FAM98A: variants seen among roughly 807,000 people sequenced by gnomAD.
The protein encoded by FAM98A is protein FAM98A.
Under a neutral mutation model 62.9 loss-of-function variants are expected in FAM98A, and 25 were observed. The observed-to-expected ratio is 0.40, with a 90% CI of 0.29 to 0.56. The LOEUF is 0.56. Among genes scored for constraint, FAM98A ranks in the 20% least tolerant of loss-of-function variants. The pLI, the probability that FAM98A is intolerant of heterozygous loss-of-function variation, is 0.51. For synonymous variants in FAM98A, 252 were observed against 228.6 expected, an observed-to-expected ratio of 1.10 and a Z score of -0.92; for missense variants, 653 against 640.7, an observed-to-expected ratio of 1.02 and a Z score of -0.21.
chr2:33,585,373 T>C lies in FAM98A; in HGVS notation c.960A>G (p.Pro320=), dbSNP rs1197635198. ...GGCCATCTTGCCTCTTCTGCCACGG[T>C]GGCATCTCTGGGGGTGGAGGTTCGA... ...NEIEPPPPEM[P]PWQKRQDGPQ... is the part of the protein sequence containing the mutation. The change falls in exon 8 of 8, where the codon CCA becomes CCG. Residue 320 remains proline, a synonymous_variant. Transcript: ENST00000238823. 3 of 1,614,048 alleles carry C rather than the reference T, an allele frequency of 1.9e-6. No homozygotes were observed. Among genetic ancestry groups the C allele is most frequent in the Non-Finnish European group, 2.5e-6 (3 of 1,180,032 alleles).
intron 4 of FAM98A, among the ~76,000 whole-genome samples, chr2:33,587,856 T>C (rs1251519820): frequency 6.6e-6 from 1 of 151,388 alleles, no homozygotes; most frequent in Admixed American, 6.6e-5. Flanking sequence ...TTTCACATAC[T>C]AGATTATGTT....
chr2:33,597,563 C>A (rs1473646468), intron 1 of FAM98A, among the ~76,000 whole-genome samples: 1 of 151,330 alleles, frequency 6.6e-6, no homozygotes, highest in Non-Finnish European at 1.5e-5. Flanking sequence ...GTACAGTACC[C>A]AAAAGAATAA....
intron 6 of FAM98A, among the ~76,000 whole-genome samples, chr2:33,586,080 A>G (rs367781840): frequency 5.9e-5 from 9 of 152,208 alleles, no homozygotes; most frequent in South Asian, 2.1e-4. Context: ...TAATTTTCCT[A>G]TCTTTGGTTT....
chr2:33,595,372 C>T (rs1439977685), intron 2 of FAM98A, 117 bp downstream of exon 2: 5 of 872,254 alleles, frequency 5.7e-6, no homozygotes, highest in African/African-American at 1.8e-5. Flanking sequence ...GGCTTCTTTA[C>T]AAATTTTTTA....
intron 6 of FAM98A, among the ~76,000 whole-genome samples, chr2:33,586,111 G>A (rs767082551): frequency 6.6e-6 from 1 of 151,956 alleles, no homozygotes; most frequent in Non-Finnish European, 1.5e-5. Flanking sequence ...ATAACTATCT[G>A]CTGAATGACC....
Position 33,588,436 on chromosome 2 carries a change from C to A in FAM98A, c.421G>T (p.Glu141Ter). 1 of 1,613,728 alleles carries A rather than the reference C, an allele frequency of 6.2e-7. No individual in the cohort carries two copies. The highest frequency in any genetic ancestry group is 8.5e-7 in the Non-Finnish European group (1 of 1,179,746). ...ATGCCTTTCAACTCTTGAAAGACCTCACTACCGCCTCCTTCTTGAGCTTTT... is the reference window on the plus strand; with the variant it reads ...ATGCCTTTCAACTCTTGAAAGACCTAACTACCGCCTCCTTCTTGAGCTTTT... ...PKKAQEGGGS[E>*]VFQELKGICI... The change falls in exon 4 of 8, where the codon GAG becomes TAG. Residue 141 changes from glutamate (E) to a stop codon, truncating the protein, a stop_gained. Transcript: ENST00000238823. LOFTEE classifies it high-confidence loss of function.
chr2:33,596,537 A>G (rs977774379), intron 1 of FAM98A, among the ~76,000 whole-genome samples: 2 of 152,240 alleles, frequency 1.3e-5, no homozygotes, highest in African/African-American at 4.8e-5. Context: ...ATTGCTTTAC[A>G]TTCTCTTAAA....
intron 1 of FAM98A, among the ~76,000 whole-genome samples, chr2:33,598,781 A>G (rs540750744): frequency 2.0e-5 from 3 of 152,272 alleles, no homozygotes; most frequent in Non-Finnish European, 4.4e-5. Context: ...AATTTGGAGA[A>G]CAAGTAGGAA....
At chr2:33,588,691 G>C (rs1677610922) in intron 3 of FAM98A, 172 bp from the exon 4 acceptor site, 1 of 443,438 alleles carries the variant, frequency 2.3e-6, no homozygotes, top group South Asian at 6.2e-5. Context: ...AAATAAACTG[G>C]TTATGTAATT....
Position 33,584,926 on chromosome 2 carries a change from GCCTCCACGACCACCTCGC to G in FAM98A, c.1389_1406del (p.Gly468_Arg473del), listed in dbSNP as rs769412680. On this transcript the variant is annotated inframe_deletion, in exon 8 of 8. Transcript: ENST00000238823. ...CTCCCTGGCCTGCACGACCACCTCG[GCCTCCACGACCACCTCGC>G]CCACCACGACCACCACCACGATCAC... 1.9e-6 allele frequency: 3 copies of G among 1,607,528 alleles called. No individual in the cohort carries two copies. The South Asian group carries it at 3.3e-5, about 18-fold the overall frequency.
chr2:33,591,097 G>A (rs746743570), intron 3 of FAM98A, among the ~76,000 whole-genome samples: 1 of 151,912 alleles, frequency 6.6e-6, no homozygotes, highest in Non-Finnish European at 1.5e-5. Flanking sequence ...CTAACCTTAC[G>A]TGCACATTCC....
chr2:33,591,679 C>G (rs1247958363), intron 3 of FAM98A, among the ~76,000 whole-genome samples: 1 of 152,236 alleles, frequency 6.6e-6, no homozygotes, highest in African/African-American at 2.4e-5. Context: ...TAAATGCTTA[C>G]TCTCCTCAAA....
intron 5 of FAM98A, 148 bp downstream of exon 5, chr2:33,587,092 G>A: frequency 1.8e-6 from 1 of 555,290 alleles, no homozygotes; most frequent in Non-Finnish European, 3.2e-6. Context: ...CAGAAATCCT[G>A]AGATTCACAA....
chr2:33,595,279 A>G (rs1158400084), intron 2 of FAM98A, among the ~76,000 whole-genome samples: 1 of 152,164 alleles, frequency 6.6e-6, no homozygotes, highest in African/African-American at 2.4e-5. Flanking sequence ...TTCAGCATCC[A>G]CGAATTTTTA....
At position 33,585,464 on chromosome 2, in the gene FAM98A, T is replaced by C. The variant is rs1677525870; in HGVS notation, c.889-20A>G. The C allele has an allele frequency of 6.2e-7, 1 of 1,613,340 alleles. No homozygotes were observed. The highest frequency in any genetic ancestry group is 8.5e-7 in the Non-Finnish European group (1 of 1,179,700). On this transcript the variant is annotated intron_variant, in intron 7 of 7. Transcript: ENST00000238823. ...CAACACCTACAGAATAGGAAAGATA[T>C]TTTAAACTTTTATTTTATGAACAGA...
At chr2:33,592,357 CT>C in intron 2 of FAM98A, 143 bp from the exon 3 acceptor site, 2 of 668,578 alleles carry the variant, frequency 3.0e-6, no homozygotes, top group Non-Finnish European at 4.9e-6. Flanking sequence ...TCTTACACCA[CT>C]GCAAAGTTTC....
chr2:33,595,707 C>A, intron 1 of FAM98A, 70 bp from the exon 2 acceptor site: 1 of 1,094,198 alleles, frequency 9.1e-7, no homozygotes, highest in Non-Finnish European at 1.3e-6. Flanking sequence ...TAAAACATAT[C>A]TATGTCTTAT....
chr2:33,596,331 G>C (rs1375199), intron 1 of FAM98A, among the ~76,000 whole-genome samples: 125,558 of 152,178 alleles, frequency 0.83, 52,345 homozygotes, highest in African/African-American at 0.91. Flanking sequence ...GTCAGGTTAG[G>C]TTAATAAATA....
chr2:33,586,990 T>A (rs1363256201), intron 5 of FAM98A: 1 of 525,684 alleles, frequency 1.9e-6, no homozygotes, highest in Non-Finnish European at 3.3e-6. Flanking sequence ...ACATGCACCA[T>A]ACTTAATTTC....
Sources: allele counts gnomAD v4.1 joint callset (sites outside exome capture counted in the v4.1 genomes callset), GRCh38; gene constraint gnomAD v4.1.1; transcripts MANE v1.5; gene names NCBI Gene and HGNC (gene_info 2026-07-23, HGNC 2026-07-21).